TMEM132B: variants seen among roughly 807,000 people sequenced by gnomAD.
The protein encoded by TMEM132B is transmembrane protein 132B.
Under a neutral mutation model 90.8 loss-of-function variants are expected in TMEM132B, and 18 were observed. That is an observed-to-expected ratio of 0.20 (90% CI 0.14 to 0.29). The LOEUF (loss-of-function observed/expected upper bound fraction) is 0.29. Among genes scored for constraint, TMEM132B ranks in the 10% least tolerant of loss-of-function variants. TMEM132B has a pLI of 1.00. For synonymous variants in TMEM132B, 504 were observed against 523.3 expected, an observed-to-expected ratio of 0.96 and a Z score of 0.50; for missense variants, 1,096 against 1,326.8, an observed-to-expected ratio of 0.83 and a Z score of 2.70.
At chr12:125,335,280 T>C (rs1407664633) in intron 1 of TMEM132B, among the ~76,000 whole-genome samples, 3 of 152,156 alleles carry the variant, frequency 2.0e-5, no homozygotes, top group Non-Finnish European at 4.4e-5. Flanking sequence ...ATTTGAAAAA[T>C]AGAGATTTTT....
intron 5 of TMEM132B, among the ~76,000 whole-genome samples, chr12:125,589,356 C>T (rs1321253739): frequency 6.6e-6 from 1 of 151,200 alleles, no homozygotes; most frequent in Non-Finnish European, 1.5e-5. Context: ...GTGGCGGGGG[C>T]CTGTAGTCCC....
intron 2 of TMEM132B, among the ~76,000 whole-genome samples, chr12:125,365,393 A>G (rs1016251797): frequency 6.6e-6 from 1 of 152,086 alleles, no homozygotes; most frequent in African/African-American, 2.4e-5. Context: ...CTCGAAGAGA[A>G]TATTATAACT....
At chr12:125,273,892 G>T (rs555263338) in intron 1 of TMEM132B, among the ~76,000 whole-genome samples, 1 of 152,266 alleles carries the variant, frequency 6.6e-6, no homozygotes, top group East Asian at 1.9e-4. Flanking sequence ...TTGAACTTCT[G>T]ACCTCAGGTG....
intron 1 of TMEM132B, among the ~76,000 whole-genome samples, chr12:125,234,710 C>T (rs1458571384): frequency 5.3e-5 from 8 of 152,112 alleles, no homozygotes; most frequent in African/African-American, 7.2e-5. Flanking sequence ...AGGTCCTTGG[C>T]GCTGTTCATG....
At position 125,277,268 on chromosome 12, in the gene TMEM132B, C is replaced by G. The variant is rs543417807; in HGVS notation, c.68-72184C>G. Among the ~76,000 whole-genome samples, 16 of 152,182 alleles carry G rather than the reference C, an allele frequency of 1.1e-4. No individual in the cohort carries two copies. Among genetic ancestry groups the G allele is most frequent in the Admixed American group, 2.0e-4 (3 of 15,288 alleles). On this transcript the variant is annotated intron_variant, in intron 1 of 8. Transcript: ENST00000682704. The surrounding 1 kb of genome is among the most constrained non-coding windows in gnomAD (Gnocchi z 4.3). ...GGCTGAGGCAGGTGGATTACAAGGT[C>G]AGGAGTTCAAGACCAGCCTGGCCAA...
intron 4 of TMEM132B, among the ~76,000 whole-genome samples, chr12:125,557,613 C>G (rs1884423489): frequency 6.6e-6 from 1 of 152,124 alleles, no homozygotes; most frequent in Non-Finnish European, 1.5e-5. Context: ...GACTGGACAC[C>G]TTGCTTCAGG....
At chr12:125,432,704 A>G (rs998315006) in intron 3 of TMEM132B, among the ~76,000 whole-genome samples, 1 of 151,772 alleles carries the variant, frequency 6.6e-6, no homozygotes, top group Non-Finnish European at 1.5e-5. Context: ...CAACTTGCTT[A>G]CTTAACAAGC....
chr12:125,613,774 T>C (rs952662298), intron 5 of TMEM132B, among the ~76,000 whole-genome samples: 1 of 152,074 alleles, frequency 6.6e-6, no homozygotes, highest in Admixed American at 6.6e-5. Flanking sequence ...AGACTTTATA[T>C]AATGTTATGT....
rs1243641853 is a variant in TMEM132B, at chr12:125,246,057, A to AGAGCCATTC, written c.67+59192_67+59200dup. ...TGCTTCTTCCACTGGAAGGATGGGC[A>AGAGCCATTC]GAGCCATTCCACTGACCAGTGGGGA... On this transcript the variant is annotated intron_variant, in intron 1 of 8. Transcript: ENST00000682704. The surrounding 1 kb of genome is among the most constrained non-coding windows in gnomAD (Gnocchi z 4.2). Among the ~76,000 whole-genome samples, 2 of 152,244 alleles carry AGAGCCATTC rather than the reference A, an allele frequency of 1.3e-5. No individual in the cohort carries two copies. Among genetic ancestry groups the AGAGCCATTC allele is most frequent in the East Asian group, 1.9e-4 (1 of 5,192 alleles).
intron 4 of TMEM132B, among the ~76,000 whole-genome samples, chr12:125,552,022 G>A (rs1884241532): frequency 6.6e-6 from 1 of 152,162 alleles, no homozygotes; most frequent in Non-Finnish European, 1.5e-5. Context: ...AAGCAAAGAA[G>A]AAATAACCTC....
intron 1 of TMEM132B, among the ~76,000 whole-genome samples, chr12:125,293,670 C>T (rs963035776): frequency 3.3e-5 from 5 of 152,144 alleles, no homozygotes; most frequent in Non-Finnish European, 5.9e-5. Context: ...GGTGTATATG[C>T]GTCATGTTTC....
chr12:125,516,283 A>G (rs1366602724), intron 3 of TMEM132B, among the ~76,000 whole-genome samples: 1 of 152,202 alleles, frequency 6.6e-6, no homozygotes, highest in Non-Finnish European at 1.5e-5. Flanking sequence ...GGCGGTTGTA[A>G]TTATTAAACT....
In TMEM132B at chr12:125,445,920, C is replaced by T. The variant is rs1326305167; in HGVS notation, c.1106+30243C>T. ...AATCCTTCATCCCAGGATAGAGTTC[C>T]CTCCTTGCCTCGCAGGGAGACAGCT... On this transcript the variant is annotated intron_variant, in intron 3 of 8. Transcript: ENST00000682704. This position sits in a 1 kb window ranked among gnomAD's most constrained non-coding sequence, Gnocchi z 4.3. 6.6e-6 allele frequency among the ~76,000 whole-genome samples: 1 copy of T among 152,082 alleles called. No homozygotes were observed. The highest frequency in any genetic ancestry group is 1.5e-5 in the Non-Finnish European group (1 of 68,000).
At chr12:125,519,263 T>C (rs1883244312) in intron 3 of TMEM132B, among the ~76,000 whole-genome samples, 176 bp from the exon 4 acceptor site, 1 of 152,206 alleles carries the variant, frequency 6.6e-6, no homozygotes, top group South Asian at 2.1e-4. Flanking sequence ...TATTCTGAGG[T>C]GTGGGCTGCT....
chr12:125,331,490 C>G (rs1304083030), intron 1 of TMEM132B, among the ~76,000 whole-genome samples: 4 of 152,130 alleles, frequency 2.6e-5, no homozygotes, highest in Non-Finnish European at 2.9e-5. Flanking sequence ...TGGTTAAAAG[C>G]AGCACATGAG....
chr12:125,422,495 G>A (rs1880197492), intron 3 of TMEM132B, among the ~76,000 whole-genome samples: 1 of 152,250 alleles, frequency 6.6e-6, no homozygotes, highest in Non-Finnish European at 1.5e-5. Flanking sequence ...GCATGTGGAA[G>A]TAGGGGAGGT....
At chr12:125,506,021 T>G (rs1882839496) in intron 3 of TMEM132B, among the ~76,000 whole-genome samples, 1 of 152,256 alleles carries the variant, frequency 6.6e-6, no homozygotes, top group Non-Finnish European at 1.5e-5. Context: ...GGTATTGCAT[T>G]AAGATAAATG....
chr12:125,625,133 T>C (rs1427943360), intron 5 of TMEM132B, among the ~76,000 whole-genome samples: 13 of 130,898 alleles, frequency 9.9e-5, no homozygotes, highest in South Asian at 2.6e-4. Flanking sequence ...TTGACTTCTT[T>C]TTTTTTTTTT....
At chr12:125,502,048 A>C (rs1030508129) in intron 3 of TMEM132B, among the ~76,000 whole-genome samples, 1 of 152,180 alleles carries the variant, frequency 6.6e-6, no homozygotes, top group Admixed American at 6.5e-5. Flanking sequence ...GTGTGTGCCC[A>C]TGTGCACATG....
Sources: gnomAD v4.1 joint callset for allele counts (sites outside exome capture counted in the v4.1 genomes callset) on GRCh38, gnomAD v4.1.1 for gene constraint, Gnocchi (gnomAD v3.1) non-coding constraint, MANE v1.5 for transcripts, NCBI Gene and HGNC (gene_info 2026-07-23, HGNC 2026-07-21) for gene names.